TRPM5: variants seen among roughly 807,000 people sequenced by gnomAD.
TRPM5 encodes MLSN1 and TRP-related.
A neutral mutation model predicts 124.9 loss-of-function variants in TRPM5; 121 were observed. The ratio of observed to expected loss-of-function variants is 0.97; its 90% confidence interval spans 0.84 to 1.13. The LOEUF is 1.13. Among genes scored for constraint, TRPM5 ranks in the 50% most tolerant of loss-of-function variants. The probability of loss-of-function intolerance (pLI) is 0.00; values close to 1 mark genes in which losing one functional copy is unlikely to be tolerated. For missense variants in TRPM5, 1,643 were observed against 1,589.1 expected, an observed-to-expected ratio of 1.03 and a Z score of -0.58; for synonymous variants, 781 against 700.5, an observed-to-expected ratio of 1.11 and a Z score of -1.81.
chr11:2,442,443 TTGAG>T, the TRPM5 span, among the ~76,000 whole-genome samples: 5 of 150,680 alleles, frequency 3.3e-5, no homozygotes, highest in Admixed American at 1.3e-4. The surrounding 1 kb of genome is among the most constrained non-coding windows in gnomAD (Gnocchi z 5.9). Context: ...GATCCTTTGG[TTGAG>T]TATTAGTGAT....
rs113414683 is a variant in TRPM5 at position 2,409,313 on chromosome 11, G to A, written c.2783-1401C>T. ...CTCCTCCCTGCACTCTGGAGGAGCGGGCCGGGGCCAGCCTGGAGAGCCTGT... is the reference window on the plus strand; with the variant it reads ...CTCCTCCCTGCACTCTGGAGGAGCGAGCCGGGGCCAGCCTGGAGAGCCTGT... On this transcript the variant is annotated intron_variant, in intron 18 of 23. Transcript: ENST00000155858. Among the ~76,000 whole-genome samples the A allele has an allele frequency of 9.6e-3, 1,469 of 152,240 alleles. 14 individuals carry two copies. The highest frequency in any genetic ancestry group is 0.02 in the Middle Eastern group (6 of 294).
chr11:2,416,619 C>A (rs1845686224), intron 7 of TRPM5, among the ~76,000 whole-genome samples: 1 of 152,118 alleles, frequency 6.6e-6, no homozygotes, highest in South Asian at 2.1e-4. Context: ...CGGGGGAGTT[C>A]CTAAACGGGG....
chr11:2,444,278 G>C, the TRPM5 span, among the ~76,000 whole-genome samples: 1 of 152,080 alleles, frequency 6.6e-6, no homozygotes, highest in Non-Finnish European at 1.5e-5. Flanking sequence ...AGTGATCGCG[G>C]GGCCAGCACA....
chr11:2,406,739 T>C, exon 21 of TRPM5: 6 of 1,613,594 alleles, frequency 3.7e-6, no homozygotes, highest in Non-Finnish European at 5.1e-6. Flanking sequence ...GTTCTCCTTC[T>C]GGACTGTCTC....
the TRPM5 span, among the ~76,000 whole-genome samples, chr11:2,438,956 C>G: frequency 1.2e-4 from 18 of 152,278 alleles, no homozygotes; most frequent in Admixed American, 1.2e-3. The surrounding 1 kb of genome is among the most constrained non-coding windows in gnomAD (Gnocchi z 5.9). Context: ...ACCAAACCAG[C>G]ATAGTACTGG....
exon 4 of TRPM5, chr11:2,420,245 G>A (rs896202866): frequency 4.4e-6 from 7 of 1,607,646 alleles, no homozygotes; most frequent in Non-Finnish European, 5.9e-6. Context: ...CCTCTGCTCC[G>A]AGATGTGCTT....
the TRPM5 span, among the ~76,000 whole-genome samples, chr11:2,439,329 G>A: frequency 4.6e-5 from 7 of 152,142 alleles, no homozygotes; most frequent in Admixed American, 2.6e-4. Flanking sequence ...TGACAAGTGG[G>A]ACCTAATTAA....
At chr11:2,407,731 C>G (rs1160397125) in intron 19 of TRPM5, 28 bp downstream of exon 24, 3 of 1,610,964 alleles carry the variant, frequency 1.9e-6, no homozygotes, top group African/African-American at 2.7e-5. Flanking sequence ...CTCCAGGGCT[C>G]TCTCCTCCAG....
upstream of TRPM5, among the ~76,000 whole-genome samples, chr11:2,424,172 T>C (rs1845814529): frequency 6.6e-6 from 1 of 152,264 alleles, no homozygotes; most frequent in African/African-American, 2.4e-5. Flanking sequence ...CGCTCTGGGC[T>C]GTGTCCACCA....
At chr11:2,404,736 G>A (rs1045786479) in exon 24 of TRPM5, 55 of 565,822 alleles carry the variant, frequency 9.7e-5, no homozygotes, top group Non-Finnish European at 1.5e-4. Flanking sequence ...CCATGACACT[G>A]CTGTGCCTCC....
intron 12 of TRPM5, 52 bp downstream of exon 17, chr11:2,414,009 G>GGCGCC: frequency 9.8e-7 from 1 of 1,023,734 alleles, no homozygotes; most frequent in Non-Finnish European, 1.4e-6. Context: ...GGCCCAGCTC[G>GGCGCC]CCCGCCCACC....
At chr11:2,407,349 TGGG>T (rs1394380667) in intron 19 of TRPM5, 49 bp from the exon 25 acceptor site, 3 of 1,549,240 alleles carry the variant, frequency 1.9e-6, no homozygotes, top group East Asian at 2.3e-5. Context: ...CACGACCACT[TGGG>T]GGACGCATCC....
chr11:2,426,229 G>A (rs1337309773), upstream of TRPM5, among the ~76,000 whole-genome samples: 1 of 152,164 alleles, frequency 6.6e-6, no homozygotes, highest in African/African-American at 2.4e-5. Flanking sequence ...AAGCCGAGTA[G>A]CAGCGTGGGG....
rs1160185718 is a variant in TRPM5 at position 2,406,110 on chromosome 11, G to A, written c.3252-19C>T. 3 of 1,610,074 alleles carry A rather than the reference G, an allele frequency of 1.9e-6. No homozygotes were observed. The highest frequency in any genetic ancestry group is 1.1e-5 in the South Asian group (1 of 91,084). On this transcript the variant is annotated intron_variant, in intron 21 of 23. Coordinates refer to ENST00000155858, the Ensembl canonical transcript of TRPM5. Reference sequence around the variant, plus strand: ...GTCCACTCTGCGGCAGGAGCAGGTGGTCAGGCTGTGGATGGCCACGCGGTG... The same window carrying A: ...GTCCACTCTGCGGCAGGAGCAGGTGATCAGGCTGTGGATGGCCACGCGGTG...
At chr11:2,420,934 G>A (rs368003633) in intron 3 of TRPM5, 98 bp downstream of exon 8, 7 of 1,315,842 alleles carry the variant, frequency 5.3e-6, no homozygotes, top group Non-Finnish European at 7.0e-6. Context: ...CCTCCAGCTC[G>A]AGTCCTGTCC....
At chr11:2,418,912 T>C (rs1345215228) in intron 4 of TRPM5, among the ~76,000 whole-genome samples, 2 of 152,216 alleles carry the variant, frequency 1.3e-5, no homozygotes, top group African/African-American at 4.8e-5. Context: ...GCGCTCATGC[T>C]GAGCATGGCA....
intron 3 of TRPM5, 143 bp from the exon 9 acceptor site, chr11:2,420,548 C>A: frequency 1.2e-6 from 1 of 850,802 alleles, no homozygotes. Context: ...TTTCCCCACC[C>A]TTCAGACAAA....
chr11:2,425,634 T>C (rs1227548263), upstream of TRPM5, among the ~76,000 whole-genome samples: 1 of 152,122 alleles, frequency 6.6e-6, no homozygotes, highest in African/African-American at 2.4e-5. Flanking sequence ...GCGGGAGTCC[T>C]CACCCTGGGC....
At chr11:2,422,084 AG>A in intron 2 of TRPM5, 56 bp downstream of exon 7, 2 of 1,477,266 alleles carry the variant, frequency 1.4e-6, no homozygotes, top group Non-Finnish European at 1.8e-6. Context: ...GGGGACAGTC[AG>A]GGGGTCGGGC....
Sources: gnomAD v4.1 joint callset for allele counts (sites outside exome capture counted in the v4.1 genomes callset) on GRCh38, gnomAD v4.1.1 for gene constraint, Gnocchi (gnomAD v3.1) non-coding constraint, MANE v1.5 for transcripts, NCBI Gene and HGNC (gene_info 2026-07-23, HGNC 2026-07-21) for gene names.